USP48: variants seen among roughly 807,000 people sequenced by gnomAD.
The protein encoded by USP48 is ubiquitin specific peptidase 48, also known as ubiquitin carboxyl-terminal hydrolase 48.
Under a neutral mutation model 150.7 loss-of-function variants are expected in USP48, and 43 were observed. The ratio of observed to expected loss-of-function variants is 0.29; its 90% CI spans 0.22 to 0.37. The LOEUF is 0.37. Among genes scored for constraint, USP48 ranks in the 10% least tolerant of loss-of-function variants. USP48 has a pLI of 1.00. For missense variants in USP48, 813 were observed against 1,249.6 expected (o/e 0.65, Z 5.27); for synonymous variants, 396 against 425.9 (o/e 0.93, Z 0.86).
intron 15 of USP48, among the ~76,000 whole-genome samples, chr1:21,711,574 G>A (rs1321984259): frequency 1.3e-5 from 2 of 152,122 alleles, no homozygotes; most frequent in African/African-American, 2.4e-5. Context: ...TCCGAAGAGC[G>A]ACAGCAGGTC....
rs1210569963 is a variant in USP48 at position 21,782,890 on chromosome 1, A to AC, written c.67dup (p.Val23GlyfsTer38). 1 of 1,554,090 alleles carries AC rather than the reference A, an allele frequency of 6.4e-7. No homozygotes were observed. Among genetic ancestry groups the AC allele is most frequent in the Non-Finnish European group, 8.7e-7 (1 of 1,150,682 alleles). ...AGCGGTCTCGATGTGCTCCTGCGAC[A>AC]CCTCCTCGGGCCGCACCGTCTCCGC... is the stretch of plus-strand genomic sequence containing the variant. On this transcript the variant is annotated frameshift_variant, in exon 1 of 27. Coordinates refer to ENST00000308271, the MANE Select transcript of USP48 (RefSeq NM_032236.8). LOFTEE classifies it high-confidence loss of function.
chr1:21,731,185 T>C (rs1302490535), intron 9 of USP48, among the ~76,000 whole-genome samples: 7 of 152,256 alleles, frequency 4.6e-5, no homozygotes, highest in Non-Finnish European at 7.3e-5. Context: ...GTAATCATTT[T>C]AGTAAACAGA....
At chr1:21,683,868 T>C (rs1188775206) in intron 25 of USP48, among the ~76,000 whole-genome samples, 1 of 152,144 alleles carries the variant, frequency 6.6e-6, no homozygotes, top group Non-Finnish European at 1.5e-5. Flanking sequence ...TACGTATGAG[T>C]GAGAAAATAC....
In USP48 at chr1:21,701,436, C is replaced by T. The variant is rs1430099603; in HGVS notation, c.2727+62G>A. 9.8e-6 allele frequency: 14 copies of T among 1,424,274 alleles called. No individual in the cohort carries two copies. The East Asian group carries it at 1.2e-4, about 12-fold the overall frequency. The allele number at this position is 1,424,274 out of a possible 1,614,324, so 88.2% of individuals were successfully genotyped here. On this transcript the variant is annotated intron_variant, in intron 22 of 26. Transcript: ENST00000308271. ...GGTACAGAGACATGGCCAGGGGCTT[C>T]GAGTGGCTGCTCTATAAGAACAGCA...
At position 21,703,609 on chromosome 1, in the gene USP48, G is replaced by T. The variant is rs2152517596; in HGVS notation, c.2525C>A (p.Pro842Gln). Residue 842 changes from proline (P) to glutamine (Q), a missense_variant, in exon 21 of 27, where the codon CCA becomes CAA. By Grantham distance (76) the Pro-to-Gln change is moderately conservative. Coordinates refer to ENST00000308271, the MANE Select transcript of USP48 (RefSeq NM_032236.8). ...TQYISEPKLC[P>Q]ECREGLLCQQ... ...ACACAATAAGCCTTCTCTGCATTCT[G>T]GACAGAGTTCTTTGGGGGAAAAAAA... 6.2e-7 allele frequency: 1 copy of T among 1,605,140 alleles called. No individual in the cohort carries two copies. The highest frequency in any genetic ancestry group is 8.5e-7 in the Non-Finnish European group (1 of 1,177,930).
chr1:21,752,964 T>TAA (rs752184432), intron 4 of USP48, 28 bp downstream of exon 4: 155 of 1,268,278 alleles, frequency 1.2e-4, no homozygotes, highest in Admixed American at 5.0e-4. Flanking sequence ...TCTGAATATT[T>TAA]AAAAAAAAAA....
intron 22 of USP48, among the ~76,000 whole-genome samples, chr1:21,696,033 G>A (rs931342933): frequency 1.3e-5 from 2 of 152,076 alleles, no homozygotes; most frequent in Non-Finnish European, 2.9e-5. Flanking sequence ...TACAGAAATT[G>A]GAATATAGGG....
At position 21,755,343 on chromosome 1, in the gene USP48, T is replaced by C. The variant is rs2097829580; in HGVS notation, c.412+1203A>G. 3.9e-5 allele frequency among the ~76,000 whole-genome samples: 6 copies of C among 152,072 alleles called. No homozygotes were observed. The South Asian group carries it at 1.2e-3, about 32-fold the overall frequency. On this transcript the variant is annotated intron_variant, in intron 3 of 26. Transcript: ENST00000308271. ...TGGGAGACCAAGGAAGGTGGATCGA[T>C]TGAACCCAGGAGTTTGAGACCAGCC... is the stretch of plus-strand genomic sequence containing the variant.
Position 21,783,097 on chromosome 1 carries a change from G to C in USP48, c.-140C>G, listed in dbSNP as rs554731959. On this transcript the variant is annotated 5_prime_UTR_variant, in exon 1 of 27. Transcript: ENST00000308271. ...CAGGCAGCTGGCCAGTCAATCACCT[G>C]TGCGCGCCACTGCCGCCGCGCCCGC... is the stretch of plus-strand genomic sequence containing the variant. 40 of 1,249,346 alleles carry C rather than the reference G, an allele frequency of 3.2e-5. No homozygotes were observed. The highest frequency in any genetic ancestry group is 3.9e-5 in the Non-Finnish European group (38 of 971,358). The allele number at this position is 1,249,346 out of a possible 1,614,324, so 77.4% of individuals were successfully genotyped here. A position where few individuals can be genotyped will look rare whatever the true frequency, so the allele number is the denominator to read the frequency against.
intron 1 of USP48, among the ~76,000 whole-genome samples, chr1:21,766,073 A>G (rs142942043): frequency 0.02 from 3,093 of 152,128 alleles, 42 homozygotes; most frequent in Middle Eastern, 0.048. Flanking sequence ...AATTGTAACA[A>G]AAAGATTTTC....
intron 6 of USP48, among the ~76,000 whole-genome samples, chr1:21,749,377 G>A (rs550407295): frequency 6.6e-5 from 10 of 152,152 alleles, no homozygotes; most frequent in South Asian, 2.1e-4. Flanking sequence ...CTCCCTTGGG[G>A]ATTTTATCCA....
At chr1:21,747,204 T>C (rs773931964) in intron 7 of USP48, 55 bp from the exon 8 acceptor site, 17 of 1,259,848 alleles carry the variant, frequency 1.3e-5, no homozygotes, top group Non-Finnish European at 1.9e-5. Context: ...TAATACAATA[T>C]ATAAGCTCTA....
intron 8 of USP48, among the ~76,000 whole-genome samples, chr1:21,744,777 T>A (rs1306782334): frequency 3.5e-4 from 21 of 59,588 alleles, no homozygotes; most frequent in Admixed American, 5.4e-4. Context: ...ACTCTATCTC[T>A]AAAAAAAAAA....
chr1:21,764,482 G>A (rs12409526), intron 1 of USP48, among the ~76,000 whole-genome samples: 10,474 of 151,350 alleles, frequency 0.069, 526 homozygotes, highest in East Asian at 0.21. Flanking sequence ...GCCGAGGCTG[G>A]TGGATTATGA....
At chr1:21,747,450 G>A (rs1276572161) in intron 7 of USP48, among the ~76,000 whole-genome samples, 2 of 152,166 alleles carry the variant, frequency 1.3e-5, no homozygotes, top group Non-Finnish European at 2.9e-5. Flanking sequence ...ACATTGCCTT[G>A]ATTTTAATTA....
At chr1:21,705,984 TA>T in intron 18 of USP48, 141 bp downstream of exon 18, 3 of 1,038,664 alleles carry the variant, frequency 2.9e-6, no homozygotes, top group African/African-American at 1.6e-5. Flanking sequence ...ATTTAATTAA[TA>T]GAAAAGAAAG....
chr1:21,705,162 T>G (rs898195983), intron 19 of USP48, among the ~76,000 whole-genome samples: 4 of 152,220 alleles, frequency 2.6e-5, no homozygotes, highest in African/African-American at 9.6e-5. Flanking sequence ...TGTGTTCCAA[T>G]TTCCTTTTCC....
At chr1:21,711,322 A>G (rs2097689533) in intron 15 of USP48, among the ~76,000 whole-genome samples, 2 of 152,136 alleles carry the variant, frequency 1.3e-5, no homozygotes, top group South Asian at 4.1e-4. Flanking sequence ...AAATGAGAGA[A>G]GGGATGGAAA....
At chr1:21,726,266 T>C (rs2097736913) in intron 11 of USP48, among the ~76,000 whole-genome samples, 1 of 152,216 alleles carries the variant, frequency 6.6e-6, no homozygotes, top group African/African-American at 2.4e-5. Context: ...CTAGGGTGAC[T>C]GTGGCCCTGA....
Sources: gnomAD v4.1 joint callset for allele counts (sites outside exome capture counted in the v4.1 genomes callset) on GRCh38, gnomAD v4.1.1 for gene constraint, MANE v1.5 for transcripts, NCBI Gene and HGNC (gene_info 2026-07-23, HGNC 2026-07-21) for gene names.